CLEC4G: variants seen among roughly 807,000 people sequenced by gnomAD.
CLEC4G encodes C-type lectin domain family 4 member G.
In CLEC4G, 34 loss-of-function variants were observed where a neutral mutation model predicts 37.0. The observed-to-expected ratio is 0.92, with a 90% confidence interval of 0.70 to 1.22. The LOEUF (loss-of-function observed/expected upper bound fraction) is 1.22. Among genes scored for constraint, CLEC4G ranks in the 50% most tolerant of loss-of-function variants. The pLI is 0.00. For synonymous variants in CLEC4G, 167 were observed against 165.6 expected (o/e 1.01, Z -0.06); for missense variants, 390 against 392.9 (o/e 0.99, Z 0.06).
Position 7,730,268 on chromosome 19 carries a change from G to A in CLEC4G, c.478+83C>T. ...TCGGCCCCGCGGGCTCAGGGGTGGA[G>A]ACACAGAACCAGGCCAAGGTCCAGG... On this transcript the variant is annotated intron_variant, in intron 6 of 8. Transcript: ENST00000328853. This position sits in a 1 kb window ranked among gnomAD's most constrained non-coding sequence, Gnocchi z 7.3. 4 of 1,572,984 alleles carry A rather than the reference G, an allele frequency of 2.5e-6. No homozygotes were observed. Among genetic ancestry groups the A allele is most frequent in the Non-Finnish European group, 3.4e-6 (4 of 1,162,644 alleles).
chr19:7,730,034 C>G lies in CLEC4G; in HGVS notation c.612G>C (p.Gly204=). The change falls in exon 7 of 9, where the codon GGG becomes GGC. Residue 204 remains glycine (G), a synonymous_variant. Coordinates refer to ENST00000328853, the MANE Select transcript of CLEC4G (RefSeq NM_198492.4). This position sits in a 1 kb window ranked among gnomAD's most constrained non-coding sequence, Gnocchi z 7.3. ...ADASAHLVIV[G]GLDEQGFLTR... is the part of the protein sequence containing the mutation. ...CCCTGCGCACCTGCTCATCCAGGCC[C>G]CCAACGATCACCAGGTGCGCGCTGG... 1 of 1,601,288 alleles carries G rather than the reference C, an allele frequency of 6.2e-7. No homozygotes were observed.
In CLEC4G at chr19:7,729,107, C is replaced by T. The variant is rs747895204; in HGVS notation, c.*259G>A. 34 of 614,036 alleles carry T rather than the reference C, an allele frequency of 5.5e-5. No homozygotes were observed. Among genetic ancestry groups the T allele is most frequent in the Non-Finnish European group, 9.2e-5 (30 of 326,252 alleles). The allele number at this position is 614,036 out of a possible 1,614,324, so 38.0% of individuals were successfully genotyped here. A position where few individuals can be genotyped will look rare whatever the true frequency, so the allele number is the denominator to read the frequency against. ...GAGAAGTGGAGGCATATCACGGGGACGCAGGAGCAGGGATTTTGGAGCTAG... is the reference window on the plus strand; with the variant it reads ...GAGAAGTGGAGGCATATCACGGGGATGCAGGAGCAGGGATTTTGGAGCTAG... On this transcript the variant is annotated 3_prime_UTR_variant, in exon 9 of 9. Transcript: ENST00000328853.
At position 7,731,562 on chromosome 19, in the gene CLEC4G, G is replaced by C. The variant is rs373157459; in HGVS notation, c.166+99C>G. The C allele has an allele frequency of 1.9e-4, 293 of 1,511,606 alleles. 5 individuals are homozygous for C. In the South Asian group the frequency reaches 3.6e-3, roughly 19 times the overall value. The allele number at this position is 1,511,606 out of a possible 1,614,324, so 93.6% of individuals were successfully genotyped here. ...ACACACACTCTGCTCACACTCAGAC[G>C]CGAACAGGACCCCAGGATGCAGCTG... On this transcript the variant is annotated intron_variant, in intron 2 of 8. Coordinates refer to ENST00000328853, the MANE Select transcript of CLEC4G (RefSeq NM_198492.4).
At position 7,730,275 on chromosome 19, in the gene CLEC4G, A is replaced by AGTGTC. The variant is rs2033408023; in HGVS notation, c.478+75_478+76insGACAC. The AGTGTC allele has an allele frequency of 2.5e-6, 4 of 1,572,916 alleles. No individual in the cohort carries two copies. In the South Asian group the frequency reaches 4.6e-5, roughly 18 times the overall value. On this transcript the variant is annotated intron_variant, in intron 6 of 8. Transcript: ENST00000328853. The surrounding 1 kb of genome is among the most constrained non-coding windows in gnomAD (Gnocchi z 7.3). ...CGCGGGCTCAGGGGTGGAGACACAG[A>AGTGTC]ACCAGGCCAAGGTCCAGGAGTGACA...
Position 7,729,150 on chromosome 19 carries a change from C to T in CLEC4G, c.*216G>A, listed in dbSNP as rs372921427. The T allele has an allele frequency of 1.5e-6, 1 of 677,866 alleles. No homozygotes were observed. Among genetic ancestry groups the T allele is most frequent in the Middle Eastern group, 2.4e-4 (1 of 4,240 alleles). The allele number at this position is 677,866 out of a possible 1,614,324, so 42.0% of individuals were successfully genotyped here. A position where few individuals can be genotyped will look rare whatever the true frequency, so the allele number is the denominator to read the frequency against. ...GGAGCTAGTGGAGGTTAGGTTGGGT[C>T]TGCGTGAGTGGAGTTAGGATGAGGT... On this transcript the variant is annotated 3_prime_UTR_variant, in exon 9 of 9. Transcript: ENST00000328853.
In CLEC4G at chr19:7,732,092, G is replaced by T. The variant is rs749974658; in HGVS notation, c.11C>A (p.Thr4Asn). MDT[T>N]RYSKWGGSSE... ...GCTGCCGCCCCACTTGCTGTACCTG[G>T]TGGTGTCCATGGCGATGCAGGCACC... Residue 4 changes from threonine (T) to asparagine (N), a missense_variant, in exon 1 of 9, where the codon ACC (threonine) becomes AAC (asparagine). Thr to Asn is a moderately conservative substitution (Grantham distance 65, BLOSUM62 0). Coordinates refer to ENST00000328853, the MANE Select transcript of CLEC4G (RefSeq NM_198492.4). The T allele has an allele frequency of 1.2e-6, 2 of 1,608,720 alleles. No individual in the cohort carries two copies. Among genetic ancestry groups the T allele is most frequent in the Non-Finnish European group, 1.7e-6 (2 of 1,175,068 alleles).
chr19:7,730,638 T>A lies in CLEC4G; in HGVS notation c.388+117A>T, dbSNP rs939721848. The stretch of plus-strand genomic sequence containing the variant: ...CTAGGAGTGGCAGTCAAGGTCAGAG[T>A]GCAGCGTCAGGGTCAGGACGGGGTG... On this transcript the variant is annotated intron_variant, in intron 5 of 8. Coordinates refer to ENST00000328853, the MANE Select transcript of CLEC4G (RefSeq NM_198492.4). This position sits in a 1 kb window ranked among gnomAD's most constrained non-coding sequence, Gnocchi z 7.3. 3.5e-6 allele frequency: 5 copies of A among 1,448,414 alleles called. No homozygotes were observed. In the East Asian group the frequency reaches 1.3e-4, roughly 37 times the overall value. 89.7% of individuals were successfully genotyped at this position (1,448,414 alleles called of 1,614,324 possible). A position where few individuals can be genotyped will look rare whatever the true frequency, so the allele number is the denominator to read the frequency against.
chr19:7,731,606 G>A (rs781282988), intron 2 of CLEC4G, 55 bp downstream of exon 2: 4 of 1,594,526 alleles, frequency 2.5e-6, no homozygotes, highest in East Asian at 4.5e-5. Context: ...TGCAGTGGGG[G>A]TTTTCTGTCC....
chr19:7,731,301 G>A lies in CLEC4G; in HGVS notation c.185C>T (p.Ala62Val), dbSNP rs1238966271. 7 of 1,581,766 alleles carry A rather than the reference G, an allele frequency of 4.4e-6. No homozygotes were observed. The highest frequency in any genetic ancestry group is 1.7e-4 in the Middle Eastern group (1 of 6,026). ...LLSKASTERA[A>V]LLDGHDLLRT... ...CAGCAGGTCGTGGCCGTCAAGCAGC[G>A]CCGCGCGCTCCGTGGAGGCTGAGGA... is the stretch of plus-strand genomic sequence containing the variant. The change falls in exon 3 of 9, where the codon GCG becomes GTG. Residue 62 changes from alanine (A) to valine (V), a missense_variant. By Grantham distance (64) the Ala-to-Val change is moderately conservative. Transcript: ENST00000328853.
At position 7,731,317 on chromosome 19, in the gene CLEC4G, A is replaced by T; in HGVS notation, c.169T>A (p.Ser57Thr). ...VILSILLSKA[S>T]TERAALLDGH... ...TCAAGCAGCGCCGCGCGCTCCGTGG[A>T]GGCTGAGGAGAGAGGCTCCTGCAGG... Residue 57 changes from serine (S) to threonine (T), a missense_variant and splice_region_variant, in exon 3 of 9, where the codon TCC becomes ACC. Transcript: ENST00000328853. The T allele has an allele frequency of 6.4e-7, 1 of 1,573,380 alleles. No homozygotes were observed. The highest frequency in any genetic ancestry group is 2.3e-5 in the East Asian group (1 of 43,340).
chr19:7,731,183 C>A (rs1005512677), intron 3 of CLEC4G, 83 bp downstream of exon 3: 12 of 1,577,168 alleles, frequency 7.6e-6, no homozygotes. Flanking sequence ...AGGGCCCCCA[C>A]GCACTCGAGA....
chr19:7,731,000 C>A lies in CLEC4G; in HGVS notation c.283+26G>T. On this transcript the variant is annotated intron_variant, in intron 4 of 8. Coordinates refer to ENST00000328853, the MANE Select transcript of CLEC4G (RefSeq NM_198492.4). This position sits in a 1 kb window ranked among gnomAD's most constrained non-coding sequence, Gnocchi z 7.3. ...CGGCCGCAAGACCCCATCCCTGCGC[C>A]CACAGCCTCGACCGCGCCCCCTCAC... 2 of 1,591,880 alleles carry A rather than the reference C, an allele frequency of 1.3e-6. No homozygotes were observed. The highest frequency in any genetic ancestry group is 2.2e-5 in the South Asian group (2 of 89,762).
chr19:7,730,423 C>T lies in CLEC4G; in HGVS notation c.406G>A (p.Glu136Lys). 1.2e-6 allele frequency: 2 copies of T among 1,601,638 alleles called. No homozygotes were observed. Among genetic ancestry groups the T allele is most frequent in the Non-Finnish European group, 1.7e-6 (2 of 1,179,894 alleles). The change falls in exon 6 of 9, where the codon GAA (glutamate) becomes AAA (lysine). Residue 136 changes from glutamate to lysine, a missense_variant. By Grantham distance (56) the Glu-to-Lys change is moderately conservative. Transcript: ENST00000328853. This position sits in a 1 kb window ranked among gnomAD's most constrained non-coding sequence, Gnocchi z 7.3. ...ACGTCCTCACGGCCCCTGCCGGCTT[C>T]AGCCAAGCCCTGGGTCACTGCGGGG... ...LRERVTQGLAEAGRGREDVRT... is the reference protein window; with the variant it reads ...LRERVTQGLAKAGRGREDVRT...
In CLEC4G at chr19:7,730,470, C is replaced by A; in HGVS notation, c.389-30G>T. On this transcript the variant is annotated intron_variant, in intron 5 of 8. Transcript: ENST00000328853. The surrounding 1 kb of genome is among the most constrained non-coding windows in gnomAD (Gnocchi z 7.3). ...GGGGTCAAGGGAGCGGGGATTATGG[C>A]TGGGGTCAGGGCCAGGACCAGGGTC... 1.3e-6 allele frequency: 2 copies of A among 1,596,416 alleles called. No homozygotes were observed. Among genetic ancestry groups the A allele is most frequent in the Admixed American group, 1.7e-5 (1 of 59,368 alleles).
chr19:7,730,951 T>TC lies in CLEC4G; in HGVS notation c.283+74dup. On this transcript the variant is annotated intron_variant, in intron 4 of 8. Coordinates refer to ENST00000328853, the MANE Select transcript of CLEC4G (RefSeq NM_198492.4). The surrounding 1 kb of genome is among the most constrained non-coding windows in gnomAD (Gnocchi z 7.3). ...CGCCCCGCACCACCCGCCGCAGGCCTCCGCCCCGGCCCCCCTCCCATCGCG... is the reference window on the plus strand; with the variant it reads ...CGCCCCGCACCACCCGCCGCAGGCCTCCCGCCCCGGCCCCCCTCCCATCGCG... The TC allele has an allele frequency of 1.5e-6, 2 of 1,296,350 alleles. No individual in the cohort carries two copies. Among genetic ancestry groups the TC allele is most frequent in the South Asian group, 1.4e-5 (1 of 70,872 alleles). 80.3% of individuals were successfully genotyped at this position (1,296,350 alleles called of 1,614,324 possible).
chr19:7,730,475 G>GT lies in CLEC4G; in HGVS notation c.389-36dup. ...CAAGGGAGCGGGGATTATGGCTGGG[G>GT]TCAGGGCCAGGACCAGGGTCATGAC... On this transcript the variant is annotated intron_variant, in intron 5 of 8. Coordinates refer to ENST00000328853, the MANE Select transcript of CLEC4G (RefSeq NM_198492.4). The surrounding 1 kb of genome is among the most constrained non-coding windows in gnomAD (Gnocchi z 7.3). 1.3e-6 allele frequency: 2 copies of GT among 1,595,220 alleles called. No individual in the cohort carries two copies. The highest frequency in any genetic ancestry group is 1.7e-6 in the Non-Finnish European group (2 of 1,177,880).
At chr19:7,729,652 A>T in intron 8 of CLEC4G, 148 bp from the exon 9 acceptor site, 1 of 1,284,710 alleles carries the variant, frequency 7.8e-7, no homozygotes, top group Non-Finnish European at 1.1e-6. Context: ...CACCTGGTAT[A>T]TAACTTTTTA....
In CLEC4G at chr19:7,729,512, G is replaced by C; in HGVS notation, c.744-8C>G. ...TCTCCCTGGTTCCAGTGGCTACAGGGGGGTTGAGTGGGGGTGTTGCTGGGA... is the reference window on the plus strand; with the variant it reads ...TCTCCCTGGTTCCAGTGGCTACAGGCGGGTTGAGTGGGGGTGTTGCTGGGA... On this transcript the variant is annotated splice_region_variant and splice_polypyrimidine_tract_variant and intron_variant, in intron 8 of 8. Transcript: ENST00000328853. 1.9e-6 allele frequency: 3 copies of C among 1,580,870 alleles called. No individual in the cohort carries two copies. Among genetic ancestry groups the C allele is most frequent in the Non-Finnish European group, 1.7e-6 (2 of 1,158,364 alleles).
intron 2 of CLEC4G, 151 bp downstream of exon 2, chr19:7,731,510 G>A (rs1364201158): frequency 8.3e-6 from 12 of 1,448,564 alleles, no homozygotes; most frequent in South Asian, 5.5e-5. Flanking sequence ...ATGTGCACAC[G>A]CGTGAGTGCA....
Sources: gnomAD v4.1 joint callset for allele counts on GRCh38, gnomAD v4.1.1 for gene constraint, Gnocchi (gnomAD v3.1) non-coding constraint, MANE v1.5 for transcripts, NCBI Gene and HGNC (gene_info 2026-07-23, HGNC 2026-07-21) for gene names.